Variants in RIT2 observed in about 807,000 individuals in gnomAD.
RIT2 encodes the protein Ras like without CAAX 2.
In RIT2, 24 loss-of-function variants were observed where a neutral mutation model predicts 23.7. That is an observed-to-expected ratio of 1.01 (90% CI 0.73 to 1.43). The LOEUF (loss-of-function observed/expected upper bound fraction) is 1.43, where lower values mean the gene tolerates loss of function less well. Among genes scored for constraint, RIT2 ranks in the 40% most tolerant of loss-of-function variants. The pLI, the probability that RIT2 is intolerant of heterozygous loss-of-function variation, is 0.00. For missense variants in RIT2, 236 were observed against 266.9 expected (o/e 0.88, Z 0.81); for synonymous variants, 107 against 91.1 (o/e 1.17, Z -0.99).
In RIT2 at chr18:43,053,090, G is replaced by A. The variant is rs189975635; in HGVS notation, c.104-19223C>T. Among the ~76,000 whole-genome samples the A allele has an allele frequency of 3.9e-3, 592 of 152,166 alleles. 3 individuals are homozygous for A. Among genetic ancestry groups the A allele is most frequent in the South Asian group, 7.0e-3 (34 of 4,826 alleles). ...TCTTCATCCTCTTACCTATGGCCAC[G>A]TTGTAGGGGTATAGGCTTTGAAGTC... On this transcript the variant is annotated intron_variant, in intron 1 of 4. Transcript: ENST00000326695.
chr18:42,973,821 A>G (rs1029651381), intron 3 of RIT2, among the ~76,000 whole-genome samples: 6 of 151,694 alleles, frequency 4.0e-5, no homozygotes, highest in Non-Finnish European at 8.8e-5. Context: ...AAAAAAATAA[A>G]GTATTTTTAA....
chr18:43,035,773 A>G (rs12607620), intron 1 of RIT2, among the ~76,000 whole-genome samples: 13,376 of 152,050 alleles, frequency 0.088, 897 homozygotes, highest in East Asian at 0.25. Flanking sequence ...ACTGACCCCA[A>G]TCCTGCTTCT....
At chr18:43,043,017 G>T (rs1437476150) in intron 1 of RIT2, among the ~76,000 whole-genome samples, 1 of 151,940 alleles carries the variant, frequency 6.6e-6, no homozygotes, top group Non-Finnish European at 1.5e-5. Flanking sequence ...ATAATAATGA[G>T]TATTAAATTA....
intron 1 of RIT2, among the ~76,000 whole-genome samples, chr18:43,093,050 T>TA (rs1913462727): frequency 1.3e-5 from 2 of 152,102 alleles, no homozygotes; most frequent in South Asian, 4.1e-4. Context: ...AGAATAAAAT[T>TA]ACAGAGTAAA....
intron 2 of RIT2, among the ~76,000 whole-genome samples, chr18:42,998,731 C>A (rs572377244): frequency 1.3e-5 from 2 of 152,140 alleles, no homozygotes; most frequent in Admixed American, 6.6e-5. Context: ...CCAGACTGGG[C>A]TCCCAATTTT....
At chr18:42,749,168 A>T (rs1035910258) in intron 4 of RIT2, among the ~76,000 whole-genome samples, 2 of 151,990 alleles carry the variant, frequency 1.3e-5, no homozygotes, top group African/African-American at 2.4e-5. Context: ...CTAGAAATTT[A>T]AAAAACTCTA....
intron 4 of RIT2, among the ~76,000 whole-genome samples, chr18:42,921,346 A>ACAGTACTT (rs1352535021): frequency 3.3e-5 from 5 of 152,146 alleles, no homozygotes; most frequent in Non-Finnish European, 5.9e-5. Flanking sequence ...TATCTTGTTT[A>ACAGTACTT]CAGTACTTGC....
chr18:42,860,400 CAT>C (rs1437735219), intron 4 of RIT2, among the ~76,000 whole-genome samples: 1 of 152,180 alleles, frequency 6.6e-6, no homozygotes, highest in African/African-American at 2.4e-5. Flanking sequence ...AATAAGTACT[CAT>C]AGAATTGTTG....
intron 4 of RIT2, among the ~76,000 whole-genome samples, chr18:42,910,210 CAG>C (rs1908730896): frequency 6.6e-6 from 1 of 151,932 alleles, no homozygotes; most frequent in African/African-American, 2.4e-5. Flanking sequence ...AAAGCGAAAA[CAG>C]AAAACAAATA....
intron 2 of RIT2, among the ~76,000 whole-genome samples, chr18:43,019,346 G>T (rs564935927): frequency 6.6e-6 from 1 of 151,906 alleles, no homozygotes; most frequent in Admixed American, 6.6e-5. Flanking sequence ...ATATGATTAA[G>T]TGGCATTTAT....
chr18:43,061,569 C>T (rs1002307356), intron 1 of RIT2, among the ~76,000 whole-genome samples: 2 of 152,056 alleles, frequency 1.3e-5, no homozygotes, highest in African/African-American at 2.4e-5. Context: ...GAGTCCATGA[C>T]CTGAGGGAGA....
At chr18:43,010,778 T>G (rs1307592252) in intron 2 of RIT2, among the ~76,000 whole-genome samples, 2 of 151,716 alleles carry the variant, frequency 1.3e-5, no homozygotes, top group East Asian at 3.9e-4. Context: ...TTTACAGGAA[T>G]AAAAGAAAAA....
At chr18:42,779,818 G>T (rs1346184188) in intron 4 of RIT2, among the ~76,000 whole-genome samples, 1 of 152,082 alleles carries the variant, frequency 6.6e-6, no homozygotes, top group Non-Finnish European at 1.5e-5. Context: ...AGGTAATATT[G>T]TTCAAAGAGC....
At chr18:42,923,477 A>T in intron 4 of RIT2, 95 bp downstream of exon 4, 2 of 1,035,504 alleles carry the variant, frequency 1.9e-6, no homozygotes, top group Non-Finnish European at 2.9e-6. Flanking sequence ...TTTCTTTCTC[A>T]TAATTTTCAG....
rs1233272264 is a variant in RIT2, at chr18:43,094,132, T to TG, written c.103+21284_103+21285insC. 1.8e-3 allele frequency among the ~76,000 whole-genome samples: 247 copies of TG among 133,686 alleles called. 3 individuals are homozygous for TG. The highest frequency in any genetic ancestry group is 7.6e-3 in the South Asian group (33 of 4,326). The allele number at this position is 133,686 out of a possible 152,430, so 87.7% of individuals were successfully genotyped here. On this transcript the variant is annotated intron_variant, in intron 1 of 4. Coordinates refer to ENST00000326695, the MANE Select transcript of RIT2 (RefSeq NM_002930.4). ...TTAGTGGGTTTTTTTTGTTTTTTTT[T>TG]TTTTTTTTCACTTTGCCTCAGGCTC...
At chr18:42,744,875 CTT>C (rs1280742336) in intron 4 of RIT2, among the ~76,000 whole-genome samples, 1 of 152,142 alleles carries the variant, frequency 6.6e-6, no homozygotes, top group Non-Finnish European at 1.5e-5. Context: ...CTCCATAAGT[CTT>C]TGGTGGCAGT....
chr18:42,818,045 T>C (rs546808054), intron 4 of RIT2, among the ~76,000 whole-genome samples: 4 of 152,148 alleles, frequency 2.6e-5, no homozygotes, highest in African/African-American at 9.6e-5. Flanking sequence ...TGTCAGGTTA[T>C]TTTGATTTTA....
intron 1 of RIT2, among the ~76,000 whole-genome samples, chr18:43,088,490 T>TA (rs1177912015): frequency 2.0e-5 from 3 of 152,128 alleles, no homozygotes; most frequent in East Asian, 1.9e-4. Flanking sequence ...TTCCTCACAG[T>TA]AAAAAAACTG....
intron 3 of RIT2, among the ~76,000 whole-genome samples, chr18:42,934,852 CT>C (rs1157753920): frequency 6.6e-6 from 1 of 152,180 alleles, no homozygotes; most frequent in African/African-American, 2.4e-5. Flanking sequence ...TTCTCAGTCT[CT>C]TGCCCCTCAA....
Sources: allele counts gnomAD v4.1 joint callset (sites outside exome capture counted in the v4.1 genomes callset), GRCh38; gene constraint gnomAD v4.1.1; transcripts MANE v1.5; gene names NCBI Gene and HGNC (gene_info 2026-07-23, HGNC 2026-07-21).